LY6G5B: variants seen among roughly 807,000 people sequenced by gnomAD.
LY6G5B encodes the protein lymphocyte antigen 6 family member G5B.
A neutral mutation model predicts 6.7 loss-of-function variants in LY6G5B; 6 were observed. The observed-to-expected ratio is 0.89, with a 90% CI of 0.49 to 1.76. LY6G5B has a LOEUF of 1.76. Ranked by LOEUF, LY6G5B falls within the 40% of genes most tolerant of loss-of-function variation. LY6G5B has a pLI of 0.01. For missense variants in LY6G5B, 240 were observed against 249.5 expected (o/e 0.96, Z 0.26); for synonymous variants, 98 against 99.4 (o/e 0.99, Z 0.09).
At chr6:31,671,076 C>T in intron 1 of LY6G5B, 68 bp downstream of exon 1, 1 of 1,610,090 alleles carries the variant, frequency 6.2e-7, no homozygotes, top group Non-Finnish European at 8.5e-7. Context: ...TGGAGCGTGG[C>T]CATGGATAAT....
At chr6:31,671,246 G>A in exon 2 of LY6G5B, 1 of 1,613,886 alleles carries the variant, frequency 6.2e-7, no homozygotes, top group Non-Finnish European at 8.5e-7. Context: ...TGTACCATCA[G>A]CAGCTCATCC....
exon 3 of LY6G5B, chr6:31,672,536 C>G: frequency 1.9e-6 from 1 of 516,500 alleles, no homozygotes; most frequent in Non-Finnish European, 3.4e-6. Context: ...CCTCCACCTC[C>G]CGGGTTCCAG....
At chr6:31,671,172 C>G in exon 2 of LY6G5B, 3 of 1,614,100 alleles carry the variant, frequency 1.9e-6, no homozygotes, top group Non-Finnish European at 2.5e-6. Flanking sequence ...TTCCCGACAT[C>G]CGGACGTGCC....
intron 2 of LY6G5B, 81 bp downstream of exon 2, chr6:31,671,365 C>A (rs898564541): frequency 6.3e-7 from 1 of 1,592,338 alleles, no homozygotes; most frequent in African/African-American, 1.3e-5. Flanking sequence ...CAGGGCTGCT[C>A]CGGGCATGGG....
intron 2 of LY6G5B, 29 bp downstream of exon 2, chr6:31,671,313 G>C: frequency 1.2e-6 from 2 of 1,612,382 alleles, no homozygotes; most frequent in Non-Finnish European, 1.7e-6. Flanking sequence ...AGGGGCTGCT[G>C]GTGGGGCAGC....
intron 2 of LY6G5B, 83 bp downstream of exon 2, chr6:31,671,367 G>A (rs530727917): frequency 1.0e-4 from 160 of 1,588,632 alleles, no homozygotes; most frequent in African/African-American, 1.2e-4. Context: ...GGGCTGCTCC[G>A]GGCATGGGGT....
At chr6:31,670,793 A>G in exon 1 of LY6G5B, 1 of 722,298 alleles carries the variant, frequency 1.4e-6, no homozygotes, top group Non-Finnish European at 2.3e-6. Flanking sequence ...CCCAGCCAGG[A>G]TCCTGCCCCA....
At position 31,670,776 on chromosome 6, in the gene LY6G5B, C is replaced by A. The variant is rs934938292; in HGVS notation, c.-175C>A. The A allele has an allele frequency of 2.1e-5, 14 of 653,926 alleles. No individual in the cohort carries two copies. The African/African-American group carries it at 2.5e-4, about 12-fold the overall frequency. 40.5% of individuals were successfully genotyped at this position (653,926 alleles called of 1,614,324 possible). A position where few individuals can be genotyped will look rare whatever the true frequency, so the allele number is the denominator to read the frequency against. ...TGCTGTCCCTCCTGCCAAGTAATAA[C>A]TTCCTTCCCAGCCAGGATCCTGCCC... On this transcript the variant is annotated 5_prime_UTR_variant, in exon 1 of 3. Coordinates refer to ENST00000375864, the Ensembl canonical transcript of LY6G5B.
At chr6:31,671,365 C>T in intron 2 of LY6G5B, 81 bp downstream of exon 2, 1 of 1,592,456 alleles carries the variant, frequency 6.3e-7, no homozygotes, top group South Asian at 1.1e-5. Flanking sequence ...CAGGGCTGCT[C>T]CGGGCATGGG....
chr6:31,670,860 C>T lies in LY6G5B; in HGVS notation c.-91C>T. 2.8e-6 allele frequency: 4 copies of T among 1,403,930 alleles called. No homozygotes were observed. The South Asian group carries it at 4.1e-5, about 14-fold the overall frequency. 87.0% of individuals were successfully genotyped at this position (1,403,930 alleles called of 1,614,324 possible). A position where few individuals can be genotyped will look rare whatever the true frequency, so the allele number is the denominator to read the frequency against. Reference sequence around the variant, plus strand: ...TCCTGCTCAGACCTTGTCAAAACCACCCTGCAGCTTAGGATTAAGGAGCAT... The same window carrying T: ...TCCTGCTCAGACCTTGTCAAAACCATCCTGCAGCTTAGGATTAAGGAGCAT... On this transcript the variant is annotated 5_prime_UTR_variant, in exon 1 of 3. Transcript: ENST00000375864.
chr6:31,670,989 G>A (rs374092334), exon 1 of LY6G5B: 4 of 1,612,554 alleles, frequency 2.5e-6, no homozygotes, highest in Non-Finnish European at 3.4e-6. Context: ...TGGTCATGGT[G>A]GGCTTCACAG....
At chr6:31,671,205 T>G (rs778193926) in exon 2 of LY6G5B, 61 of 1,614,004 alleles carry the variant, frequency 3.8e-5, no homozygotes, top group Non-Finnish European at 4.7e-5. Context: ...TAGAAGACCC[T>G]TCTGTAGGAT....
In LY6G5B at chr6:31,670,314, A is replaced by G. The variant is rs139171582; in HGVS notation, c.-637A>G. 8 of 219,656 alleles carry G rather than the reference A, an allele frequency of 3.6e-5. No individual in the cohort carries two copies. Among genetic ancestry groups the G allele is most frequent in the East Asian group, 3.1e-4 (3 of 9,588 alleles). 13.6% of individuals were successfully genotyped at this position (219,656 alleles called of 1,614,324 possible). On this transcript the variant is annotated 5_prime_UTR_variant, in exon 1 of 3. The change abolishes an upstream ATG in the 5' untranslated region. Coordinates refer to ENST00000375864, the Ensembl canonical transcript of LY6G5B. ...ATGAGAAATATTTGTTTGGATATCT[A>G]TGACTGTCTGTTTATACTGTAAGGG...
chr6:31,670,892 A>T, exon 1 of LY6G5B: 1 of 1,529,884 alleles, frequency 6.5e-7, no homozygotes, highest in Non-Finnish European at 8.8e-7. Flanking sequence ...GCATGGTCAC[A>T]GGAAGGTGGG....
intron 2 of LY6G5B, 85 bp downstream of exon 2, chr6:31,671,369 G>A (rs1802204218): frequency 3.1e-6 from 5 of 1,587,312 alleles, no homozygotes; most frequent in Admixed American, 3.4e-5. Flanking sequence ...GCTGCTCCGG[G>A]CATGGGGTAC....
chr6:31,671,353 A>T (rs2151192906), intron 2 of LY6G5B, 69 bp downstream of exon 2: 1 of 1,604,048 alleles, frequency 6.2e-7, no homozygotes, highest in East Asian at 2.2e-5. Context: ...CCTCTCACAG[A>T]TCAGGGCTGC....
chr6:31,670,058 G>A, upstream of LY6G5B: 1 of 775,486 alleles, frequency 1.3e-6, no homozygotes, highest in Non-Finnish European at 2.0e-6. Flanking sequence ...TAAAGTAGAA[G>A]AAAAGGCCAT....
upstream of LY6G5B, chr6:31,670,023 T>C: frequency 1.0e-6 from 1 of 978,266 alleles, no homozygotes; most frequent in East Asian, 2.7e-5. Context: ...ATTAAAGGAG[T>C]CGTTATCGTG....
intron 2 of LY6G5B, 142 bp from the exon 3 acceptor site, chr6:31,671,717 CAGCAG>C: frequency 1.1e-6 from 1 of 930,734 alleles, no homozygotes; most frequent in South Asian, 1.7e-5. Flanking sequence ...TCTAGGGGGC[CAGCAG>C]AGCTCACTTT....
Sources: allele counts gnomAD v4.1 joint callset, GRCh38; gene constraint gnomAD v4.1.1; transcripts MANE v1.5; gene names NCBI Gene and HGNC (gene_info 2026-07-23, HGNC 2026-07-21).